Variants in PCID2 observed in about 807,000 individuals in gnomAD.
The protein encoded by PCID2 is PCI domain-containing protein 2.
PCID2 carries 41 observed loss-of-function variants against 61.3 expected under a neutral mutation model. The ratio of observed to expected loss-of-function variants is 0.67; its 90% confidence interval spans 0.52 to 0.87. The LOEUF is 0.87. PCID2 is among the 40% of genes least tolerant of loss of function. PCID2 has a pLI of 0.00. For synonymous variants in PCID2, 187 were observed against 177.8 expected (o/e 1.05, Z -0.41); for missense variants, 392 against 493.4 (o/e 0.79, Z 1.95).
At chr13:113,173,300 G>T (rs986794088), downstream of PCID2, among the ~76,000 whole-genome samples, 1 of 152,248 alleles carries the variant, frequency 6.6e-6, no homozygotes, top group African/African-American at 2.4e-5. Context: ...CCAGCCCCCA[G>T]TGAAACGTCC....
At position 113,185,568 on chromosome 13, in the gene PCID2, G is replaced by A. The variant is rs1284583445; in HGVS notation, c.468-8C>T. Reference sequence around the variant, plus strand: ...TCCTCTATACCAGCACGGCTATGGGGAAATAATTTTTTTTAAGTTACATAG... The same window carrying A: ...TCCTCTATACCAGCACGGCTATGGGAAAATAATTTTTTTTAAGTTACATAG... On this transcript the variant is annotated splice_region_variant and splice_polypyrimidine_tract_variant and intron_variant, in intron 7 of 13. Coordinates refer to ENST00000337344, the MANE Select transcript of PCID2 (RefSeq NM_001127202.4). 3 of 1,588,604 alleles carry A rather than the reference G, an allele frequency of 1.9e-6. No homozygotes were observed. The highest frequency in any genetic ancestry group is 2.7e-5 in the African/African-American group (2 of 74,064).
intron 1 of PCID2, among the ~76,000 whole-genome samples, chr13:113,203,896 TAGTC>T (rs952441107): frequency 2.5e-4 from 38 of 152,220 alleles, no homozygotes; most frequent in Non-Finnish European, 4.4e-5. Flanking sequence ...AAACCAGTAT[TAGTC>T]AGTTTAGCCC....
chr13:113,172,127 T>C, the PCID2 span: 2 of 1,611,248 alleles, frequency 1.2e-6, no homozygotes, highest in Non-Finnish European at 1.7e-6. Flanking sequence ...CTAGCCAGAA[T>C]GAACAACACA....
intron 1 of PCID2, among the ~76,000 whole-genome samples, chr13:113,204,423 T>C (rs1003213024): frequency 2.6e-5 from 4 of 152,116 alleles, no homozygotes; most frequent in Non-Finnish European, 5.9e-5. Flanking sequence ...AACCCTGGAG[T>C]ACAGACACCG....
intron 4 of PCID2, 100 bp from the exon 5 acceptor site, chr13:113,196,322 CTTGAGCAGA>C (rs1696202558): frequency 1.1e-6 from 1 of 888,734 alleles, no homozygotes; most frequent in African/African-American, 1.6e-5. Context: ...GTAGATCACC[CTTGAGCAGA>C]TTTATGTTGC....
At chr13:113,183,079 A>C (rs1206274170) in intron 9 of PCID2, among the ~76,000 whole-genome samples, 2 of 152,214 alleles carry the variant, frequency 1.3e-5, no homozygotes, top group African/African-American at 4.8e-5. Context: ...TCCTAGCAGT[A>C]AAATGGAAAA....
At chr13:113,201,462 G>A (rs1024004031) in intron 1 of PCID2, among the ~76,000 whole-genome samples, 3 of 152,024 alleles carry the variant, frequency 2.0e-5, no homozygotes, top group East Asian at 1.9e-4. Context: ...CCTATCTAGC[G>A]CCTGCCACAA....
chr13:113,172,822 T>C (rs2037139659), downstream of PCID2, among the ~76,000 whole-genome samples: 1 of 152,222 alleles, frequency 6.6e-6, no homozygotes, highest in South Asian at 2.1e-4. Flanking sequence ...CTTGGACAAC[T>C]GTTCCACCTC....
chr13:113,188,674 C>T (rs1364187457), intron 7 of PCID2: 1 of 152,226 alleles, frequency 6.6e-6, no homozygotes, highest in Admixed American at 6.5e-5. Context: ...AATATTCTTC[C>T]CCTTGCTTTC....
intron 1 of PCID2, 128 bp from the exon 2 acceptor site, chr13:113,200,644 A>C: frequency 1.6e-6 from 1 of 622,438 alleles, no homozygotes; most frequent in Non-Finnish European, 2.9e-6. Flanking sequence ...AGACAGAACA[A>C]TCAAAATGTA....
intron 5 of PCID2, among the ~76,000 whole-genome samples, chr13:113,195,751 T>C (rs912419567): frequency 1.8e-4 from 27 of 152,296 alleles, no homozygotes; most frequent in South Asian, 2.1e-4. Context: ...TATTAACCTA[T>C]AGTTTGTTAA....
At chr13:113,171,183 G>A in the PCID2 span, among the ~76,000 whole-genome samples, 2 of 152,126 alleles carry the variant, frequency 1.3e-5, no homozygotes, top group Non-Finnish European at 2.9e-5. The surrounding 1 kb of genome is among the most constrained non-coding windows in gnomAD (Gnocchi z 5.1). Flanking sequence ...TCGGCCTCCC[G>A]AAGCGCTGGG....
chr13:113,172,101 A>G, the PCID2 span: 33 of 1,612,256 alleles, frequency 2.0e-5, no homozygotes, highest in South Asian at 5.5e-5. Flanking sequence ...CAGATCATGA[A>G]CTAACTGAAA....
intron 6 of PCID2, among the ~76,000 whole-genome samples, chr13:113,192,542 C>G (rs896578132): frequency 2.0e-5 from 3 of 152,188 alleles, no homozygotes; most frequent in Admixed American, 2.0e-4. Context: ...TCTGTCACTT[C>G]CAGGCAAACA....
the PCID2 span, among the ~76,000 whole-genome samples, chr13:113,166,840 C>A: frequency 6.6e-6 from 1 of 152,138 alleles, no homozygotes; most frequent in Non-Finnish European, 1.5e-5. Flanking sequence ...CAGGCTGTCT[C>A]CAGCTTCCCA....
intron 1 of PCID2, among the ~76,000 whole-genome samples, chr13:113,201,833 A>G (rs2039458683): frequency 6.6e-6 from 1 of 151,384 alleles, no homozygotes; most frequent in African/African-American, 2.4e-5. Context: ...AAAAAAAAAA[A>G]AGGACATAAA....
At chr13:113,193,637 C>T (rs1443178599) in intron 6 of PCID2, among the ~76,000 whole-genome samples, 1 of 152,006 alleles carries the variant, frequency 6.6e-6, no homozygotes, top group East Asian at 1.9e-4. Flanking sequence ...ATTTTAAAAT[C>T]TTTTCTAATT....
At chr13:113,185,682 A>G (rs1429289010) in intron 7 of PCID2, 122 bp from the exon 8 acceptor site, 3 of 607,256 alleles carry the variant, frequency 4.9e-6, no homozygotes, top group Non-Finnish European at 5.9e-6. Context: ...AGTCATATTC[A>G]TATCAACTTA....
chr13:113,201,817 A>AC (rs2039457310), intron 1 of PCID2, among the ~76,000 whole-genome samples: 1 of 138,212 alleles, frequency 7.2e-6, no homozygotes, highest in Admixed American at 7.8e-5. Context: ...CTCCGTCTCA[A>AC]AAAAAAAAAA....
Sources: gnomAD v4.1 joint callset for allele counts (sites outside exome capture counted in the v4.1 genomes callset) on GRCh38, gnomAD v4.1.1 for gene constraint, Gnocchi (gnomAD v3.1) non-coding constraint, MANE v1.5 for transcripts, NCBI Gene and HGNC (gene_info 2026-07-23, HGNC 2026-07-21) for gene names.